SPAG17: variants seen among roughly 807,000 people sequenced by gnomAD.
SPAG17 encodes sperm associated antigen 17, also known as sperm-associated antigen 17.
SPAG17 carries 169 observed loss-of-function variants against 273.6 expected under a neutral mutation model. The ratio of observed to expected loss-of-function variants is 0.62; its 90% confidence interval spans 0.55 to 0.70. SPAG17 has a LOEUF of 0.70. Among genes scored for constraint, SPAG17 ranks in the 30% least tolerant of loss-of-function variants. The pLI is 0.00. For synonymous variants in SPAG17, 825 were observed against 873.2 expected (o/e 0.94, Z 0.97); for missense variants, 2,557 against 2,627.8 (o/e 0.97, Z 0.59).
intron 20 of SPAG17, among the ~76,000 whole-genome samples, chr1:118,048,666 G>T (rs1650644647): frequency 6.6e-6 from 1 of 152,160 alleles, no homozygotes; most frequent in South Asian, 2.1e-4. Flanking sequence ...GGGAGGCCAA[G>T]GTGGGCAGAT....
intron 20 of SPAG17, among the ~76,000 whole-genome samples, chr1:118,053,029 T>C (rs1571351455): frequency 1.3e-5 from 2 of 152,012 alleles, no homozygotes; most frequent in Admixed American, 6.6e-5. Flanking sequence ...GATTATGATA[T>C]ATGTAGTTAT....
intron 29 of SPAG17, among the ~76,000 whole-genome samples, chr1:118,015,467 C>T (rs1659865988): frequency 6.6e-6 from 1 of 152,156 alleles, no homozygotes; most frequent in East Asian, 1.9e-4. Flanking sequence ...TGTCTTATCT[C>T]TTTCAATATA....
chr1:118,105,824 A>C (rs1656361336), intron 4 of SPAG17, among the ~76,000 whole-genome samples: 2 of 149,326 alleles, frequency 1.3e-5, no homozygotes, highest in East Asian at 3.9e-4. Flanking sequence ...CAGTAAGAAG[A>C]GCATTACTCA....
At chr1:118,006,314 T>C (rs1658874893) in intron 31 of SPAG17, among the ~76,000 whole-genome samples, 1 of 152,232 alleles carries the variant, frequency 6.6e-6, no homozygotes, top group Non-Finnish European at 1.5e-5. Context: ...TGGATATACC[T>C]ATTCTAGATA....
At chr1:118,085,783 T>C in intron 13 of SPAG17, 139 bp downstream of exon 13, 1 of 706,836 alleles carries the variant, frequency 1.4e-6, no homozygotes, top group Non-Finnish European at 2.2e-6. Flanking sequence ...AAAGTTGTAG[T>C]CAATCAAAAT....
rs74619421 is a variant in SPAG17 at position 117,971,154 on chromosome 1, T to G, written c.6326+709A>C. On this transcript the variant is annotated intron_variant, in intron 45 of 48. Transcript: ENST00000336338. ...AATGGCTGCAACTGAAATAAACATA[T>G]ATTCCATTTTAATGGAAGTAATACC... Among the ~76,000 whole-genome samples the G allele has an allele frequency of 2.0e-3, 312 of 152,300 alleles. 2 individuals carry two copies. Among genetic ancestry groups the G allele is most frequent in the Non-Finnish European group, 3.5e-3 (240 of 68,026 alleles).
At chr1:118,024,605 C>T (rs538617967) in intron 27 of SPAG17, among the ~76,000 whole-genome samples, 1 of 152,020 alleles carries the variant, frequency 6.6e-6, no homozygotes, top group African/African-American at 2.4e-5. Context: ...GTAGTGTCTA[C>T]TCACAGGAGC....
chr1:118,011,556 T>C (rs1036948643), intron 30 of SPAG17, among the ~76,000 whole-genome samples: 2 of 152,010 alleles, frequency 1.3e-5, no homozygotes, highest in African/African-American at 4.8e-5. Flanking sequence ...GAACAACAGA[T>C]ACTGGGGCCT....
chr1:118,091,834 G>A, intron 9 of SPAG17, 96 bp downstream of exon 9: 2 of 1,382,142 alleles, frequency 1.4e-6, no homozygotes, highest in East Asian at 2.3e-5. Flanking sequence ...AGGAGCTGTA[G>A]GTGAAGGGAG....
chr1:118,089,483 C>T (rs766451201), intron 10 of SPAG17, among the ~76,000 whole-genome samples: 12 of 151,656 alleles, frequency 7.9e-5, no homozygotes, highest in Non-Finnish European at 1.5e-4. Context: ...TTCCCTTACA[C>T]CATAAGGACA....
In SPAG17 at chr1:118,016,151, G is replaced by C. The variant is rs1429318608; in HGVS notation, c.4101C>G (p.Ala1367=). ...GKSHKSQSSM[A]HKGEIHDPPP... Reference sequence around the variant, plus strand: ...GAGGGTCATGGATTTCACCCTTATGGGCCATTGATGACTGACTTTTGTGAC... The same window carrying C: ...GAGGGTCATGGATTTCACCCTTATGCGCCATTGATGACTGACTTTTGTGAC... The change falls in exon 29 of 49, where the codon GCC becomes GCG. Residue 1367 remains alanine (A), a synonymous_variant. Coordinates refer to ENST00000336338, the MANE Select transcript of SPAG17 (RefSeq NM_206996.4). 3 of 1,613,614 alleles carry C rather than the reference G, an allele frequency of 1.9e-6. No homozygotes were observed. The South Asian group carries it at 3.3e-5, about 18-fold the overall frequency.
At position 118,040,729 on chromosome 1, in the gene SPAG17, C is replaced by T. The variant is rs1228290609; in HGVS notation, c.3166+1G>A. On this transcript the variant is annotated splice_donor_variant, in intron 22 of 48. Transcript: ENST00000336338. LOFTEE classifies it high-confidence loss of function. ...ATTAACCAGTTGCTTTCAAAATGTA[C>T]CTTTTTCAAACATTGTCTTTTCCAC... 6.4e-7 allele frequency: 1 copy of T among 1,570,394 alleles called. No homozygotes were observed. The highest frequency in any genetic ancestry group is 1.7e-5 in the Admixed American group (1 of 59,860).
chr1:118,040,968 G>T (rs1649685537), intron 21 of SPAG17, 127 bp from the exon 22 acceptor site: 2 of 680,906 alleles, frequency 2.9e-6, no homozygotes, highest in South Asian at 3.2e-5. Flanking sequence ...TCACTTTGCA[G>T]ACTCAGAGGC....
chr1:117,987,913 A>G, intron 39 of SPAG17, 32 bp from the exon 40 acceptor site: 8 of 1,611,278 alleles, frequency 5.0e-6, no homozygotes, highest in Non-Finnish European at 6.8e-6. Flanking sequence ...TATGGTGAAA[A>G]GGGGCAATGA....
intron 23 of SPAG17, among the ~76,000 whole-genome samples, chr1:118,038,944 C>T (rs779071470): frequency 6.6e-6 from 1 of 152,080 alleles, no homozygotes; most frequent in Non-Finnish European, 1.5e-5. Flanking sequence ...AATGTAGGTT[C>T]ATCAACTGTA....
rs759404757 is a variant in SPAG17, at chr1:117,996,481, C to T, written c.4942G>A (p.Asp1648Asn). 6 of 1,612,386 alleles carry T rather than the reference C, an allele frequency of 3.7e-6. No homozygotes were observed. The East Asian group carries it at 1.1e-4, about 30-fold the overall frequency. The change falls in exon 34 of 49, where the codon GAT (aspartate) becomes AAT (asparagine). Residue 1648 changes from aspartate (D) to asparagine (N), a missense_variant. By Grantham distance (23) the Asp-to-Asn change is conservative. Coordinates refer to ENST00000336338, the MANE Select transcript of SPAG17 (RefSeq NM_206996.4). ...CGAAGAAGTTCCATTCCTGATCCAT[C>T]AGCATACATAACAAAAAACCTATTT... ...HVPRFFVMYA[D>N]GSGMELLRDS...
chr1:118,160,216 C>T (rs1659846770), intron 1 of SPAG17, among the ~76,000 whole-genome samples: 4 of 152,156 alleles, frequency 2.6e-5, no homozygotes, highest in East Asian at 1.9e-4. Flanking sequence ...TCCTCAAGCA[C>T]GAGACCTTCT....
chr1:118,169,105 C>T (rs2102388680), intron 1 of SPAG17, among the ~76,000 whole-genome samples: 1 of 152,286 alleles, frequency 6.6e-6, no homozygotes, highest in East Asian at 1.9e-4. Flanking sequence ...TTGCCAAACT[C>T]ATACTGGCAA....
At chr1:117,992,223 G>C (rs1223340517) in intron 36 of SPAG17, among the ~76,000 whole-genome samples, 2 of 152,104 alleles carry the variant, frequency 1.3e-5, no homozygotes, top group East Asian at 3.9e-4. Flanking sequence ...GCACTATATA[G>C]TAATCATTTA....
Sources: gnomAD v4.1 joint callset for allele counts (sites outside exome capture counted in the v4.1 genomes callset) on GRCh38, gnomAD v4.1.1 for gene constraint, MANE v1.5 for transcripts, NCBI Gene and HGNC (gene_info 2026-07-23, HGNC 2026-07-21) for gene names.